LANCL3: variants seen among roughly 807,000 people sequenced by gnomAD.
LANCL3 encodes lanC-like protein 3.
LANCL3 carries 19 observed loss-of-function variants against 26.5 expected under a neutral mutation model. The observed-to-expected ratio is 0.72, with a 90% CI of 0.50 to 1.05. The LOEUF (loss-of-function observed/expected upper bound fraction) is 1.05. Among genes scored for constraint, LANCL3 ranks in the 50% least tolerant of loss-of-function variants. The pLI, the probability that LANCL3 is intolerant of heterozygous loss-of-function variation, is 0.00. For synonymous variants in LANCL3, 160 were observed against 166.6 expected, an observed-to-expected ratio of 0.96 and a Z score of 0.30; for missense variants, 318 against 362.7, an observed-to-expected ratio of 0.88 and a Z score of 1.00.
intron 4 of LANCL3, chrX:37,668,275 A>ATATATATC (rs1226711668): frequency 6.2e-6 from 1 of 161,568 alleles, no homozygotes; most frequent in African/African-American, 3.4e-5. Flanking sequence ...ATATATATAT[A>ATATATATC]TCCTAGTTAT....
At chrX:37,629,407 A>G (rs1286264121) in intron 1 of LANCL3, among the ~76,000 whole-genome samples, 1 of 108,543 alleles carries the variant, frequency 9.2e-6, no homozygotes, top group East Asian at 2.8e-4. Context: ...TTGCCTGTTC[A>G]CTCTGATGGT....
At position 37,613,777 on chromosome X, in the gene LANCL3, A is replaced by G. The variant is rs983145313; in HGVS notation, c.573+41334A>G. Among the ~76,000 whole-genome samples the G allele has an allele frequency of 6.2e-5, 7 of 112,382 alleles. No individual in the cohort carries two copies. In the East Asian group the frequency reaches 1.7e-3, roughly 27 times the overall value. On this transcript the variant is annotated intron_variant, in intron 1 of 4. Transcript: ENST00000378619. Reference sequence around the variant, plus strand: ...AGTATGTTTAGTCCATTCTACTCACATGTGTGTTGTTTCTAGGTTTTGGTG... The same window carrying G: ...AGTATGTTTAGTCCATTCTACTCACGTGTGTGTTGTTTCTAGGTTTTGGTG...
chrX:37,652,167 G>T (rs1170614859), intron 1 of LANCL3, among the ~76,000 whole-genome samples: 1 of 111,303 alleles, frequency 9.0e-6, no homozygotes, highest in African/African-American at 3.3e-5. Context: ...AGGGGCAGGA[G>T]GTGTTTGATG....
rs191902849 is a variant in LANCL3, at chrX:37,584,485, T to C, written c.573+12042T>C. On this transcript the variant is annotated intron_variant, in intron 1 of 4. Coordinates refer to ENST00000378619, the MANE Select transcript of LANCL3 (RefSeq NM_001170331.2). ...TGTTGGTAAGCTATTAATTATTGCC[T>C]CAATTTCAGAGCCTGTTATTGGTCT... Among the ~76,000 whole-genome samples the C allele has an allele frequency of 0.014, 1,578 of 110,819 alleles. 45 individuals carry two copies. In the East Asian group the frequency reaches 0.18, roughly 13 times the overall value.
Position 37,672,810 on chromosome X carries a change from C to T in LANCL3, c.1104-2844C>T, listed in dbSNP as rs781910155. Among the ~76,000 whole-genome samples, 38 of 111,861 alleles carry T rather than the reference C, an allele frequency of 3.4e-4. No homozygotes were observed. The Admixed American group carries it at 3.5e-3, about 10-fold the overall frequency. On this transcript the variant is annotated intron_variant, in intron 4 of 4. Transcript: ENST00000378619. ...ACAGAGTACATGATCACTCCCTCAC[C>T]CAGCCATAGCTGCCTGGTTCTGTTT... is the stretch of plus-strand genomic sequence containing the variant.
rs192899440 is a variant in LANCL3, at chrX:37,659,408, C to T, written c.698-54C>T. 2.0e-5 allele frequency: 19 copies of T among 932,718 alleles called. No individual in the cohort carries two copies. The East Asian group carries it at 5.9e-4, about 29-fold the overall frequency. The allele number at this position is 932,718 out of a possible 1,213,427, so 76.9% of individuals were successfully genotyped here. On this transcript the variant is annotated intron_variant, in intron 2 of 4. Transcript: ENST00000378619. ...TATCCTGTTGATCTTTTCACTAAAT[C>T]AAACTAGCTGTCCTCCCAATTGTGT...
chrX:37,591,416 T>G (rs1294987276), intron 1 of LANCL3, among the ~76,000 whole-genome samples: 2 of 111,130 alleles, frequency 1.8e-5, no homozygotes, highest in Non-Finnish European at 3.8e-5. Flanking sequence ...TAGTTGCAAG[T>G]TTGATAAACA....
Position 37,571,976 on chromosome X carries a change from G to A in LANCL3, c.106G>A (p.Glu36Lys), listed in dbSNP as rs35466136. The A allele has an allele frequency of 1.0e-5, 12 of 1,198,299 alleles. No homozygotes were observed. The highest frequency in any genetic ancestry group is 1.7e-5 in the African/African-American group (1 of 57,706). Residue 36 changes from glutamate to lysine, a missense_variant, in exon 1 of 5, where the codon GAG becomes AAG. Coordinates refer to ENST00000378619, the MANE Select transcript of LANCL3 (RefSeq NM_001170331.2). The stretch of plus-strand genomic sequence containing the variant: ...GGCGCCCTTGGTCACCGCCACCATC[G>A]AGCGCATCCTCCAGGAGCTTCCCCC... ...AVAPLVTATI[E>K]RILQELPPLG...
At chrX:37,610,887 C>G (rs1924848194) in intron 1 of LANCL3, among the ~76,000 whole-genome samples, 1 of 111,959 alleles carries the variant, frequency 8.9e-6, no homozygotes, top group African/African-American at 3.3e-5. Flanking sequence ...AAAGTACATC[C>G]CGAGACAAGG....
chrX:37,615,789 G>A lies in LANCL3; in HGVS notation c.574-39899G>A, dbSNP rs1368035881. Among the ~76,000 whole-genome samples the A allele has an allele frequency of 9.0e-5, 10 of 111,407 alleles. No individual in the cohort carries two copies. The Admixed American group carries it at 9.6e-4, about 11-fold the overall frequency. ...TTTCGTTGAGGATATCTTTCTGTGGGCCTGTTTACCATTGCCTTTGCTTTT... is the reference window on the plus strand; with the variant it reads ...TTTCGTTGAGGATATCTTTCTGTGGACCTGTTTACCATTGCCTTTGCTTTT... On this transcript the variant is annotated intron_variant, in intron 1 of 4. Transcript: ENST00000378619.
chrX:37,662,208 G>A (rs1383322620), intron 3 of LANCL3, among the ~76,000 whole-genome samples: 1 of 112,094 alleles, frequency 8.9e-6, no homozygotes, highest in East Asian at 2.8e-4. Flanking sequence ...GTGCAGTAAA[G>A]TATTACAGGA....
At chrX:37,664,723 C>T (rs1024813862) in intron 3 of LANCL3, among the ~76,000 whole-genome samples, 9 of 110,894 alleles carry the variant, frequency 8.1e-5, no homozygotes, top group Non-Finnish European at 1.5e-4. Flanking sequence ...TTCCTACCCT[C>T]CCTCCTCAAG....
intron 1 of LANCL3, among the ~76,000 whole-genome samples, chrX:37,599,731 G>A (rs1177127999): frequency 8.9e-6 from 1 of 112,100 alleles, no homozygotes; most frequent in Non-Finnish European, 1.9e-5. Flanking sequence ...GAGTATATGT[G>A]ATCATGTTTG....
intron 3 of LANCL3, among the ~76,000 whole-genome samples, chrX:37,660,719 T>C (rs1926398566): frequency 8.9e-6 from 1 of 111,778 alleles, no homozygotes; most frequent in South Asian, 3.7e-4. Context: ...TGAGTTTCAT[T>C]ACCTTTTCCT....
chrX:37,577,183 C>T (rs1401810823), intron 1 of LANCL3, among the ~76,000 whole-genome samples: 2 of 112,444 alleles, frequency 1.8e-5, no homozygotes, highest in African/African-American at 6.5e-5. Context: ...TATGGGGGGT[C>T]TAAACCCCTT....
At chrX:37,644,972 A>G (rs782280139) in intron 1 of LANCL3, among the ~76,000 whole-genome samples, 39 of 112,314 alleles carry the variant, frequency 3.5e-4, no homozygotes, top group Non-Finnish European at 3.8e-4. Context: ...CTTTTTCATA[A>G]GAGTCTCATT....
intron 1 of LANCL3, among the ~76,000 whole-genome samples, chrX:37,648,490 C>T (rs1926042311): frequency 8.9e-6 from 1 of 111,884 alleles, no homozygotes; most frequent in East Asian, 2.8e-4. Flanking sequence ...AAATGTAAAA[C>T]CCAAAACCAT....
chrX:37,641,899 C>T (rs190865221), intron 1 of LANCL3, among the ~76,000 whole-genome samples: 1 of 111,617 alleles, frequency 9.0e-6, no homozygotes, highest in African/African-American at 3.3e-5. Flanking sequence ...GCACTTGGTG[C>T]TAAAGCTCCC....
rs1344828578 is a variant in LANCL3, at chrX:37,680,332, ACT to A, written c.*4520_*4521del. ...CCTCATCCATTATCATAAATCTCAT[ACT>A]GGAGGTGTGATCTCTCTTCTTGTTT... On this transcript the variant is annotated 3_prime_UTR_variant, in exon 5 of 5. Transcript: ENST00000378619. The A allele has an allele frequency of 8.9e-6, 1 of 112,384 alleles. No homozygotes were observed. Among genetic ancestry groups the A allele is most frequent in the African/African-American group, 3.2e-5 (1 of 30,913 alleles). 9.3% of individuals were successfully genotyped at this position (112,384 alleles called of 1,213,427 possible).
Sources: allele counts gnomAD v4.1 joint callset (sites outside exome capture counted in the v4.1 genomes callset), GRCh38; gene constraint gnomAD v4.1.1; transcripts MANE v1.5; gene names NCBI Gene and HGNC (gene_info 2026-07-23, HGNC 2026-07-21).